Variants in TNN observed in about 807,000 individuals in gnomAD.
TNN encodes the protein tenascin N.
A neutral mutation model predicts 134.4 loss-of-function variants in TNN; 122 were observed. That is an observed-to-expected ratio of 0.91 (90% CI 0.78 to 1.06). The LOEUF (loss-of-function observed/expected upper bound fraction) is 1.06. Among genes scored for constraint, TNN ranks in the 50% least tolerant of loss-of-function variants. The probability of loss-of-function intolerance (pLI) is 0.00; values close to 1 mark genes in which losing one functional copy is unlikely to be tolerated. For missense variants in TNN, 1,739 were observed against 1,699.4 expected (o/e 1.02, Z -0.41); for synonymous variants, 710 against 670.3 (o/e 1.06, Z -0.91).
chr1:175,136,908 A>G lies in TNN; in HGVS notation c.3515A>G (p.Tyr1172Cys), dbSNP rs775052775. ...VDLQTANESA[Y>C]AIYDFFQVAS... ...TTACAGACTGCCAATGAATCTGCCT[A>G]TGCTATATATGATTTCTTCCAAGTG... Residue 1172 changes from tyrosine (Y) to cysteine (C), a missense_variant, in exon 17 of 19, where the codon TAT becomes TGT. Coordinates refer to ENST00000239462, the MANE Select transcript of TNN (RefSeq NM_022093.2). 5 of 1,614,210 alleles carry G rather than the reference A, an allele frequency of 3.1e-6. No homozygotes were observed. The South Asian group carries it at 5.5e-5, about 18-fold the overall frequency.
At chr1:175,110,541 G>A (rs546110688) in intron 9 of TNN, among the ~76,000 whole-genome samples, 1 of 152,274 alleles carries the variant, frequency 6.6e-6, no homozygotes, top group East Asian at 1.9e-4. Context: ...TTTAATTTTT[G>A]AATACGGTGA....
Position 175,094,246 on chromosome 1 carries a change from C to T in TNN, c.1581C>T (p.Ala527=). The T allele has an allele frequency of 6.3e-7, 1 of 1,589,778 alleles. No homozygotes were observed. The highest frequency in any genetic ancestry group is 8.6e-7 in the Non-Finnish European group (1 of 1,164,740). ...GGAGCAAGAAAGCTGACACCAATGC[C>T]CTCACAGGTAACAGAAGGACGGGAG... ...NQGSKKADTN[A]LTEIDSPANL... is the part of the protein sequence containing the mutation. Residue 527 remains alanine, a synonymous_variant, in exon 7 of 19, where the codon GCC becomes GCT. Transcript: ENST00000239462.
rs1675802533 is a variant in TNN, at chr1:175,136,079, G to C, written c.3427+138G>C. On this transcript the variant is annotated intron_variant, in intron 16 of 18. Coordinates refer to ENST00000239462, the MANE Select transcript of TNN (RefSeq NM_022093.2). The stretch of plus-strand genomic sequence containing the variant: ...GGGAGACAGAGGACTGTGCCGAGCA[G>C]GGTGTTGGTGGGCATGTTGATGGGA... 7 of 633,242 alleles carry C rather than the reference G, an allele frequency of 1.1e-5. No homozygotes were observed. The East Asian group carries it at 2.0e-4, about 18-fold the overall frequency. 39.2% of individuals were successfully genotyped at this position (633,242 alleles called of 1,614,324 possible).
intron 10 of TNN, 42 bp downstream of exon 10, chr1:175,117,247 T>G (rs1675210205): frequency 1.2e-6 from 2 of 1,600,132 alleles, no homozygotes; most frequent in South Asian, 2.3e-5. Flanking sequence ...GCTTTCATGC[T>G]AAGTCAGTGG....
At chr1:175,076,697 T>A (rs1469417636) in intron 1 of TNN, among the ~76,000 whole-genome samples, 2 of 152,212 alleles carry the variant, frequency 1.3e-5, no homozygotes, top group African/African-American at 4.8e-5. Context: ...CTGCTCTTCC[T>A]GGCCGTGGGA....
chr1:175,123,294 A>G, intron 11 of TNN, 106 bp from the exon 12 acceptor site: 2 of 1,318,616 alleles, frequency 1.5e-6, no homozygotes, highest in Admixed American at 2.2e-5. Flanking sequence ...GTGGAATTCT[A>G]CCATTATTAA....
chr1:175,096,266 G>A lies in TNN; in HGVS notation c.1589-1151G>A, dbSNP rs79064662. On this transcript the variant is annotated intron_variant, in intron 7 of 18. Coordinates refer to ENST00000239462, the MANE Select transcript of TNN (RefSeq NM_022093.2). Reference sequence around the variant, plus strand: ...GTTAGCAGTGGAGGCAGCATATGCAGAGGCTAAGTTGTGAGAATATGACAG... The same window carrying A: ...GTTAGCAGTGGAGGCAGCATATGCAAAGGCTAAGTTGTGAGAATATGACAG... 7.7e-3 allele frequency among the ~76,000 whole-genome samples: 1,168 copies of A among 152,368 alleles called. 13 individuals are homozygous for A. Among genetic ancestry groups the A allele is most frequent in the African/African-American group, 0.026 (1,076 of 41,586 alleles).
intron 1 of TNN, among the ~76,000 whole-genome samples, chr1:175,068,489 G>T (rs1673847849): frequency 6.6e-6 from 1 of 152,188 alleles, no homozygotes; most frequent in African/African-American, 2.4e-5. Context: ...CAGCTTTGAA[G>T]TATCTCCAGA....
chr1:175,128,942 G>T (rs529447231), intron 15 of TNN, among the ~76,000 whole-genome samples, 196 bp downstream of exon 15: 6 of 152,276 alleles, frequency 3.9e-5, no homozygotes, highest in African/African-American at 1.4e-4. Flanking sequence ...CAGATCCCAA[G>T]AGAAGGTTCT....
At chr1:175,097,134 T>C (rs1025524680) in intron 7 of TNN, among the ~76,000 whole-genome samples, 1 of 152,222 alleles carries the variant, frequency 6.6e-6, no homozygotes, top group Admixed American at 6.5e-5. Context: ...GAAATTTGAA[T>C]GTGAAGACCA....
chr1:175,143,241 C>T (rs760542189), intron 17 of TNN, among the ~76,000 whole-genome samples: 1 of 152,300 alleles, frequency 6.6e-6, no homozygotes, highest in Non-Finnish European at 1.5e-5. Flanking sequence ...GATGAGAATG[C>T]ACATGCGAAG....
chr1:175,092,015 C>T (rs1674461798), intron 6 of TNN, among the ~76,000 whole-genome samples: 1 of 152,178 alleles, frequency 6.6e-6, no homozygotes, highest in South Asian at 2.1e-4. Context: ...GGAGGCACTG[C>T]TGGGACCTGG....
At chr1:175,146,575 G>C (rs917128186) in intron 18 of TNN, among the ~76,000 whole-genome samples, 10 of 152,012 alleles carry the variant, frequency 6.6e-5, no homozygotes, top group African/African-American at 2.4e-4. Flanking sequence ...AAAGAGTGAA[G>C]GAAAGATAAT....
At chr1:175,116,871 A>G (rs1020369732) in intron 9 of TNN, 68 bp from the exon 10 acceptor site, 51 of 1,606,788 alleles carry the variant, frequency 3.2e-5, no homozygotes, top group Non-Finnish European at 4.3e-5. Context: ...TACCACAAGT[A>G]AAATGCCCAG....
chr1:175,077,559 G>A lies in TNN; in HGVS notation c.141G>A (p.Lys47=), dbSNP rs1674075602. The A allele has an allele frequency of 6.2e-7, 1 of 1,614,116 alleles. No homozygotes were observed. The highest frequency in any genetic ancestry group is 8.5e-7 in the Non-Finnish European group (1 of 1,180,062). ...AGGTCACTGTCAGCCACACCTACAA[G>A]ATCGATGTGCCCAAGTCTGCCTTGG... ...EQQVTVSHTY[K]IDVPKSALVQ... is the part of the protein sequence containing the mutation. The change falls in exon 2 of 19, where the codon AAG becomes AAA. Residue 47 remains lysine (K), a synonymous_variant. Transcript: ENST00000239462.
rs147066934 is a variant in TNN, at chr1:175,117,148, G to T, written c.2329G>T (p.Val777Leu). ...LRPGVEYTVH[V>L]WAQKGAQESK... Reference sequence around the variant, plus strand: ...GCCGGGTGTGGAGTACACGGTGCACGTGTGGGCCCAGAAGGGGGCCCAGGA... The same window carrying T: ...GCCGGGTGTGGAGTACACGGTGCACTTGTGGGCCCAGAAGGGGGCCCAGGA... Residue 777 changes from valine (V) to leucine (L), a missense_variant, in exon 10 of 19, where the codon GTG becomes TTG. Val to Leu is a conservative substitution (Grantham distance 32, BLOSUM62 1). Transcript: ENST00000239462. 7 of 1,614,280 alleles carry T rather than the reference G, an allele frequency of 4.3e-6. No individual in the cohort carries two copies. In the South Asian group the frequency reaches 5.5e-5, roughly 13 times the overall value.
At chr1:175,108,956 C>T (rs1674941073) in intron 9 of TNN, among the ~76,000 whole-genome samples, 1 of 152,022 alleles carries the variant, frequency 6.6e-6, no homozygotes, top group Non-Finnish European at 1.5e-5. Context: ...AAAGTGGGAG[C>T]CCAGGCAGAG....
intron 17 of TNN, among the ~76,000 whole-genome samples, chr1:175,143,129 G>A (rs891323490): frequency 6.6e-6 from 1 of 152,168 alleles, no homozygotes; most frequent in Non-Finnish European, 1.5e-5. Context: ...GTTTGTGGAC[G>A]GTGGGACCTT....
intron 11 of TNN, 102 bp downstream of exon 11, chr1:175,118,926 G>A: frequency 6.9e-6 from 10 of 1,451,028 alleles, no homozygotes; most frequent in Non-Finnish European, 8.4e-6. Context: ...TAACCTCAGG[G>A]CTGCAGACTG....
Sources: allele counts gnomAD v4.1 joint callset (sites outside exome capture counted in the v4.1 genomes callset), GRCh38; gene constraint gnomAD v4.1.1; transcripts MANE v1.5; gene names NCBI Gene and HGNC (gene_info 2026-07-23, HGNC 2026-07-21).